Variants in VWA8 observed in about 807,000 individuals in gnomAD.
VWA8 encodes the protein von Willebrand factor A domain containing 8.
A neutral mutation model predicts 241.5 loss-of-function variants in VWA8; 221 were observed. The observed-to-expected ratio is 0.91, with a 90% confidence interval of 0.82 to 1.02. VWA8 has a LOEUF of 1.02. Among genes scored for constraint, VWA8 ranks in the 50% least tolerant of loss-of-function variants. The probability of loss-of-function intolerance (pLI) is 0.00; values close to 1 mark genes in which losing one functional copy is unlikely to be tolerated. For synonymous variants in VWA8, 852 were observed against 827.1 expected, an observed-to-expected ratio of 1.03 and a Z score of -0.52; for missense variants, 2,322 against 2,328.7, an observed-to-expected ratio of 1.00 and a Z score of 0.06.
chr13:41,690,568 A>G (rs1398242475), intron 32 of VWA8, among the ~76,000 whole-genome samples: 1 of 152,130 alleles, frequency 6.6e-6, no homozygotes, highest in Non-Finnish European at 1.5e-5. Flanking sequence ...ATTATCATGT[A>G]ACCCTCTCTT....
chr13:41,632,552 T>A lies in VWA8; in HGVS notation c.4612-17468A>T, dbSNP rs1204409436. 2.0e-5 allele frequency among the ~76,000 whole-genome samples: 3 copies of A among 152,216 alleles called. No homozygotes were observed. In the East Asian group the frequency reaches 5.8e-4, roughly 29 times the overall value. ...GGACAGGTTACAATGCTATAGTCCCTCTGGAGAGGTATTTCTAGCATCAAA... is the reference window on the plus strand; with the variant it reads ...GGACAGGTTACAATGCTATAGTCCCACTGGAGAGGTATTTCTAGCATCAAA... On this transcript the variant is annotated intron_variant, in intron 37 of 44. Coordinates refer to ENST00000379310, the MANE Select transcript of VWA8 (RefSeq NM_015058.2).
chr13:41,610,664 T>C (rs961966862), intron 39 of VWA8, among the ~76,000 whole-genome samples: 3 of 152,232 alleles, frequency 2.0e-5, no homozygotes, highest in South Asian at 4.1e-4. Context: ...CATTTTAGCA[T>C]GCTTTTTTCT....
At chr13:41,588,736 A>G (rs939035459) in intron 41 of VWA8, among the ~76,000 whole-genome samples, 3 of 152,004 alleles carry the variant, frequency 2.0e-5, no homozygotes, top group African/African-American at 4.8e-5. Context: ...AAAAAAAAAA[A>G]AGGAAGAAGA....
At chr13:41,823,494 T>C (rs752796789) in intron 14 of VWA8, among the ~76,000 whole-genome samples, 8 of 152,186 alleles carry the variant, frequency 5.3e-5, no homozygotes, top group Admixed American at 6.6e-5. Context: ...CCCTCATTTA[T>C]GGTCTGGCCA....
chr13:41,781,359 T>C (rs1868878352), intron 19 of VWA8, among the ~76,000 whole-genome samples: 2 of 152,166 alleles, frequency 1.3e-5, no homozygotes, highest in Non-Finnish European at 2.9e-5. Flanking sequence ...CTAGTCTCGT[T>C]GCCTGAGAGA....
At chr13:41,685,406 A>G (rs546796567) in intron 34 of VWA8, among the ~76,000 whole-genome samples, 164 bp from the exon 35 acceptor site, 1 of 152,302 alleles carries the variant, frequency 6.6e-6, no homozygotes, top group African/African-American at 2.4e-5. Context: ...CTGTAATCCC[A>G]GTACTTTGGG....
chr13:41,947,279 G>C (rs921673055), intron 2 of VWA8, among the ~76,000 whole-genome samples: 1 of 152,158 alleles, frequency 6.6e-6, no homozygotes, highest in Admixed American at 6.5e-5. Flanking sequence ...AATCTGAAGA[G>C]TGAACAAAAA....
At chr13:41,872,956 ATTTG>A (rs1410679199) in intron 9 of VWA8, among the ~76,000 whole-genome samples, 1 of 152,132 alleles carries the variant, frequency 6.6e-6, no homozygotes, top group Non-Finnish European at 1.5e-5. Context: ...ATGTTCTTCC[ATTTG>A]TTTGTATCCT....
At position 41,833,480 on chromosome 13, in the gene VWA8, C is replaced by T; in HGVS notation, c.1477G>A (p.Asp493Asn). The change falls in exon 13 of 45, where the codon GAC becomes AAC. Residue 493 changes from aspartate to asparagine, a missense_variant. Coordinates refer to ENST00000379310, the MANE Select transcript of VWA8 (RefSeq NM_015058.2). ...LQQRYTLPNG[D>N]TAWRSSPLVN... ...AGGGGTGAGGACCGCCAGGCAGTGT[C>T]TCCATTTGGAAGGGTGTATCTCTGC... 6.2e-7 allele frequency: 1 copy of T among 1,613,934 alleles called. No homozygotes were observed. Among genetic ancestry groups the T allele is most frequent in the Non-Finnish European group, 8.5e-7 (1 of 1,179,904 alleles).
intron 37 of VWA8, among the ~76,000 whole-genome samples, chr13:41,657,581 C>T (rs2044916542): frequency 6.6e-6 from 1 of 151,676 alleles, no homozygotes. Flanking sequence ...GCTCCGCTTC[C>T]CGGGTTCACG....
intron 26 of VWA8, among the ~76,000 whole-genome samples, chr13:41,712,148 A>T (rs2045322832): frequency 6.6e-6 from 1 of 152,150 alleles, no homozygotes; most frequent in African/African-American, 2.4e-5. Context: ...ACTAAAATAC[A>T]GTTAGGTAGA....
chr13:41,635,832 C>A (rs986660102), intron 37 of VWA8, among the ~76,000 whole-genome samples: 2 of 142,546 alleles, frequency 1.4e-5, no homozygotes, highest in Non-Finnish European at 2.9e-5. Flanking sequence ...AAGAATTAGA[C>A]AGCGCAGGAG....
At chr13:41,661,195 G>A (rs1340825238) in intron 37 of VWA8, among the ~76,000 whole-genome samples, 1 of 152,138 alleles carries the variant, frequency 6.6e-6, no homozygotes, top group Non-Finnish European at 1.5e-5. Context: ...CAATTAAAGA[G>A]CATCTAAAAG....
Position 41,868,399 on chromosome 13 carries a change from C to A in VWA8, c.1159G>T (p.Val387Leu), listed in dbSNP as rs755756281. Residue 387 changes from valine (V) to leucine (L), a missense_variant, in exon 10 of 45, where the codon GTG becomes TTG. Coordinates refer to ENST00000379310, the MANE Select transcript of VWA8 (RefSeq NM_015058.2). ...CGGATGGTCACAGAAGCTTGGGACA[C>A]ATGGTTTTCCATCATCTTCTCTACT... ...VKVEKMMENH[V>L]SQASVTIRIA... 1 of 1,614,008 alleles carries A rather than the reference C, an allele frequency of 6.2e-7. No homozygotes were observed. The highest frequency in any genetic ancestry group is 8.5e-7 in the Non-Finnish European group (1 of 1,180,006).
chr13:41,809,780 T>C (rs1390960543), intron 17 of VWA8, among the ~76,000 whole-genome samples: 1 of 152,084 alleles, frequency 6.6e-6, no homozygotes, highest in Non-Finnish European at 1.5e-5. Flanking sequence ...AAAAGCTTCT[T>C]GGGCAGCAAA....
At chr13:41,749,512 C>A (rs2045637122) in intron 21 of VWA8, among the ~76,000 whole-genome samples, 1 of 152,114 alleles carries the variant, frequency 6.6e-6, no homozygotes, top group South Asian at 2.1e-4. Context: ...TGGGTATATA[C>A]CCAAAGTAGT....
intron 2 of VWA8, among the ~76,000 whole-genome samples, chr13:41,921,047 G>GGCAAACCAAAAACAGCA (rs1566039768): frequency 6.6e-6 from 1 of 152,100 alleles, no homozygotes; most frequent in African/African-American, 2.4e-5. Flanking sequence ...ATAAAATACT[G>GGCAAACCAAAAACAGCA]GCAAACCAAA....
At chr13:41,843,982 G>A (rs547193638) in intron 12 of VWA8, among the ~76,000 whole-genome samples, 3 of 152,132 alleles carry the variant, frequency 2.0e-5, no homozygotes, top group East Asian at 3.9e-4. Context: ...TCTCTAACTC[G>A]TTCTACAAAG....
chr13:41,786,394 C>A (rs147324262), intron 18 of VWA8, among the ~76,000 whole-genome samples: 1,670 of 152,180 alleles, frequency 0.011, 32 homozygotes, highest in African/African-American at 0.039. Context: ...TAAATGAATT[C>A]TTCATAAGAG....
Sources: gnomAD v4.1 joint callset for allele counts (sites outside exome capture counted in the v4.1 genomes callset) on GRCh38, gnomAD v4.1.1 for gene constraint, MANE v1.5 for transcripts, NCBI Gene and HGNC (gene_info 2026-07-23, HGNC 2026-07-21) for gene names.